Variants in POU6F2 observed in about 807,000 individuals in gnomAD.
The protein encoded by POU6F2 is POU domain, class 6, transcription factor 2.
In POU6F2, 31 loss-of-function variants were observed where a neutral mutation model predicts 71.3. That is an observed-to-expected ratio of 0.43 (90% confidence interval 0.33 to 0.59). The LOEUF is 0.59. Ranked by LOEUF, POU6F2 falls within the 20% of genes least tolerant of loss-of-function variation. The pLI is 0.04. For missense variants in POU6F2, 783 were observed against 856.8 expected (o/e 0.91, Z 1.07); for synonymous variants, 347 against 355.7 (o/e 0.98, Z 0.27).
chr7:39,028,272 ACTTT>A (rs1486390594), intron 1 of POU6F2, among the ~76,000 whole-genome samples: 1 of 152,040 alleles, frequency 6.6e-6, no homozygotes. Context: ...TTATGTTTTT[ACTTT>A]CTTTATGGTG....
rs1269248364 is a variant in POU6F2, at chr7:39,339,958, T to C, written c.915T>C (p.Pro305=). 6.2e-7 allele frequency: 1 copy of C among 1,613,768 alleles called. No individual in the cohort carries two copies. The highest frequency in any genetic ancestry group is 8.5e-7 in the Non-Finnish European group (1 of 1,179,810). The change falls in exon 5 of 10, where the codon CCT becomes CCC. Residue 305 remains proline, a synonymous_variant. Coordinates refer to ENST00000518318, the MANE Select transcript of POU6F2 (RefSeq NM_001370959.1). The part of the protein sequence containing the change: ...TQQSSSPPQK[P]SQSPGHGLPS... ...AGAGCTCCAGCCCCCCGCAGAAACCTAGTCAGTCTCCAGGACATGGCCTGC... is the reference window on the plus strand; with the variant it reads ...AGAGCTCCAGCCCCCCGCAGAAACCCAGTCAGTCTCCAGGACATGGCCTGC...
chr7:39,336,500 C>T (rs1434694000), intron 4 of POU6F2, among the ~76,000 whole-genome samples: 1 of 152,154 alleles, frequency 6.6e-6, no homozygotes. Flanking sequence ...AGGCTTGCAC[C>T]GAGGGGCTGG....
At chr7:39,172,221 A>G (rs1793229965) in intron 2 of POU6F2, among the ~76,000 whole-genome samples, 1 of 152,186 alleles carries the variant, frequency 6.6e-6, no homozygotes, top group South Asian at 2.1e-4. Flanking sequence ...ATTAGATCAC[A>G]TACATTTTTT....
chr7:39,187,303 C>T (rs981199659), intron 2 of POU6F2, among the ~76,000 whole-genome samples: 122 of 152,346 alleles, frequency 8.0e-4, no homozygotes, highest in African/African-American at 2.8e-3. Context: ...GGTGCTTAAC[C>T]ACTGACAGGC....
chr7:39,298,909 GA>G (rs1259419831), intron 4 of POU6F2, among the ~76,000 whole-genome samples: 1 of 152,140 alleles, frequency 6.6e-6, no homozygotes, highest in South Asian at 2.1e-4. Flanking sequence ...CACAGGAGCA[GA>G]AAACCAAACA....
chr7:39,332,518 A>G (rs1785676852), intron 4 of POU6F2, among the ~76,000 whole-genome samples: 1 of 152,226 alleles, frequency 6.6e-6, no homozygotes, highest in Non-Finnish European at 1.5e-5. Context: ...TGTAAGTTCC[A>G]AAATGGGCCT....
At position 39,119,209 on chromosome 7, in the gene POU6F2, G is replaced by C. The variant is rs530373380; in HGVS notation, c.277+33178G>C. Among the ~76,000 whole-genome samples, 4 of 152,262 alleles carry C rather than the reference G, an allele frequency of 2.6e-5. No homozygotes were observed. The East Asian group carries it at 7.7e-4, about 29-fold the overall frequency. On this transcript the variant is annotated intron_variant, in intron 2 of 9. Coordinates refer to ENST00000518318, the MANE Select transcript of POU6F2 (RefSeq NM_001370959.1). ...CCAATCCTGTTAGGAATAGAACCCT[G>C]GGATGCCCCTGGGAAAAGGGCACAA...
intron 1 of POU6F2, among the ~76,000 whole-genome samples, chr7:39,056,678 A>ATGTGTGTG (rs3057270): frequency 0.013 from 1,887 of 142,184 alleles, 19 homozygotes; most frequent in South Asian, 0.031. Context: ...GTGTGTGTGT[A>ATGTGTGTG]TGTGTGTGTG....
chr7:39,117,729 AAAGT>A (rs1398208694), intron 2 of POU6F2, among the ~76,000 whole-genome samples: 1 of 152,152 alleles, frequency 6.6e-6, no homozygotes, highest in Admixed American at 6.5e-5. Flanking sequence ...GGTACAGCTG[AAAGT>A]AAGAGGACTG....
At position 39,464,766 on chromosome 7, in the gene POU6F2, C is replaced by T; in HGVS notation, c.*80C>T. On this transcript the variant is annotated 3_prime_UTR_variant, in exon 10 of 10. Coordinates refer to ENST00000518318, the MANE Select transcript of POU6F2 (RefSeq NM_001370959.1). This position sits in a 1 kb window ranked among gnomAD's most constrained non-coding sequence, Gnocchi z 4.1. ...TGGGACTCCACAACAACAACAACAA[C>T]AAAATTTAATTTAATTTAAAAATAG... 7.1e-7 allele frequency: 1 copy of T among 1,405,176 alleles called. No individual in the cohort carries two copies. Among genetic ancestry groups the T allele is most frequent in the Non-Finnish European group, 9.4e-7 (1 of 1,060,728 alleles). The allele number at this position is 1,405,176 out of a possible 1,614,324, so 87.0% of individuals were successfully genotyped here. A position where few individuals can be genotyped will look rare whatever the true frequency, so the allele number is the denominator to read the frequency against.
chr7:39,112,981 T>A (rs1265709011), intron 2 of POU6F2, among the ~76,000 whole-genome samples: 2 of 152,028 alleles, frequency 1.3e-5, no homozygotes, highest in African/African-American at 2.4e-5. Flanking sequence ...AAAAAAAAAA[T>A]TATTTCCAGA....
At chr7:39,414,357 C>T (rs1157549000) in intron 6 of POU6F2, among the ~76,000 whole-genome samples, 3 of 152,176 alleles carry the variant, frequency 2.0e-5, no homozygotes, top group Non-Finnish European at 4.4e-5. Context: ...GTCCCAGGGA[C>T]TCGTAATATG....
At chr7:39,056,979 C>A (rs1040842012) in intron 1 of POU6F2, among the ~76,000 whole-genome samples, 1 of 152,090 alleles carries the variant, frequency 6.6e-6, no homozygotes, top group African/African-American at 2.4e-5. Flanking sequence ...ATTCATTTCT[C>A]TATGAGCTGC....
In POU6F2 at chr7:39,015,604, G is replaced by A. The variant is rs181065109; in HGVS notation, c.105+37546G>A. Among the ~76,000 whole-genome samples the A allele has an allele frequency of 9.7e-3, 478 of 49,378 alleles. 9 individuals carry two copies. The highest frequency in any genetic ancestry group is 0.029 in the African/African-American group (447 of 15,566). 32.4% of individuals were successfully genotyped at this position (49,378 alleles called of 152,430 possible). A position where few individuals can be genotyped will look rare whatever the true frequency, so the allele number is the denominator to read the frequency against. Reference sequence around the variant, plus strand: ...CTATGTTTTATATAGATATATCTATGTTTTATATAGATCTACATTATAGAT... The same window carrying A: ...CTATGTTTTATATAGATATATCTATATTTTATATAGATCTACATTATAGAT... On this transcript the variant is annotated intron_variant, in intron 1 of 9. Transcript: ENST00000518318.
At chr7:39,100,290 T>C (rs978776393) in intron 2 of POU6F2, among the ~76,000 whole-genome samples, 2 of 152,248 alleles carry the variant, frequency 1.3e-5, no homozygotes, top group African/African-American at 4.8e-5. Flanking sequence ...TTGAACATGC[T>C]GTGAATATTT....
At chr7:39,325,508 AG>A (rs1275225081) in intron 4 of POU6F2, among the ~76,000 whole-genome samples, 3 of 152,226 alleles carry the variant, frequency 2.0e-5, no homozygotes, top group Non-Finnish European at 2.9e-5. Context: ...GAACATAGTC[AG>A]ATCCTTAAAA....
intron 2 of POU6F2, among the ~76,000 whole-genome samples, chr7:39,119,506 G>A (rs970597540): frequency 1.4e-4 from 22 of 152,200 alleles, no homozygotes; most frequent in African/African-American, 5.3e-4. Context: ...GAAGAGGGGA[G>A]GGGAAACGGG....
At chr7:39,447,804 C>T (rs1330303828) in intron 7 of POU6F2, among the ~76,000 whole-genome samples, 6 of 152,006 alleles carry the variant, frequency 3.9e-5, no homozygotes, top group Non-Finnish European at 7.4e-5. Context: ...TTTTTGTGTC[C>T]GGTTATGTTT....
intron 4 of POU6F2, among the ~76,000 whole-genome samples, chr7:39,256,034 CAAG>C (rs1358422829): frequency 1.3e-5 from 2 of 152,112 alleles, no homozygotes; most frequent in African/African-American, 2.4e-5. Context: ...TTGATGGATT[CAAG>C]AAGGTTACAA....
Sources: allele counts gnomAD v4.1 joint callset (sites outside exome capture counted in the v4.1 genomes callset), GRCh38; gene constraint gnomAD v4.1.1; non-coding constraint Gnocchi (gnomAD v3.1); transcripts MANE v1.5; gene names NCBI Gene and HGNC (gene_info 2026-07-23, HGNC 2026-07-21).